Variants in SLC28A3 observed in about 807,000 individuals in gnomAD.
The protein encoded by SLC28A3 is concentrative Na(+)-nucleoside cotransporter 3.
In SLC28A3, 68 loss-of-function variants were observed where a neutral mutation model predicts 84.2. The ratio of observed to expected loss-of-function variants is 0.81; its 90% CI spans 0.66 to 0.99. The LOEUF (loss-of-function observed/expected upper bound fraction) is 0.99, where lower values mean the gene tolerates loss of function less well. Among genes scored for constraint, SLC28A3 ranks in the 50% least tolerant of loss-of-function variants. The pLI is 0.00. For missense variants in SLC28A3, 712 were observed against 841.5 expected (o/e 0.85, Z 1.90); for synonymous variants, 267 against 303.6 (o/e 0.88, Z 1.25).
At chr9:84,348,764 G>T in the SLC28A3 span, among the ~76,000 whole-genome samples, 1 of 152,164 alleles carries the variant, frequency 6.6e-6, no homozygotes, top group Non-Finnish European at 1.5e-5. Context: ...TGATAAAAAG[G>T]ATGAGTTTCT....
chr9:84,316,660 C>A (rs1283318323), intron 1 of SLC28A3, among the ~76,000 whole-genome samples: 1 of 152,166 alleles, frequency 6.6e-6, no homozygotes, highest in Non-Finnish European at 1.5e-5. Flanking sequence ...TTGGTTTTTG[C>A]TTTTATTTTG....
upstream of SLC28A3, among the ~76,000 whole-genome samples, chr9:84,341,793 T>C (rs911200381): frequency 9.9e-5 from 15 of 151,304 alleles, no homozygotes; most frequent in African/African-American, 1.5e-4. Flanking sequence ...ATAGGGATTT[T>C]CCCCCCTAGT....
intron 8 of SLC28A3, 111 bp downstream of exon 8, chr9:84,297,110 G>A: frequency 1.3e-6 from 1 of 744,182 alleles, no homozygotes; most frequent in Non-Finnish European, 2.2e-6. Flanking sequence ...CCTCTGACCA[G>A]CGCAGTAGGT....
At chr9:84,320,051 T>G (rs1000811731) in intron 1 of SLC28A3, among the ~76,000 whole-genome samples, 6 of 130,550 alleles carry the variant, frequency 4.6e-5, no homozygotes, top group African/African-American at 1.3e-4. Context: ...TTTTTTTTTT[T>G]TTTTTTTTTT....
chr9:84,282,297 A>T (rs1157093605), intron 14 of SLC28A3, among the ~76,000 whole-genome samples: 3 of 149,210 alleles, frequency 2.0e-5, no homozygotes, highest in Non-Finnish European at 1.5e-5. Context: ...TTTTTTTTTT[A>T]AAGGTGTGAC....
intron 1 of SLC28A3, among the ~76,000 whole-genome samples, chr9:84,322,691 A>G (rs1354613570): frequency 6.6e-6 from 1 of 152,136 alleles, no homozygotes; most frequent in African/African-American, 2.4e-5. Context: ...TTAAAAATAC[A>G]AAAATTAGCC....
chr9:84,285,308 T>C (rs1824937581), intron 14 of SLC28A3, 37 bp downstream of exon 14: 1 of 1,590,656 alleles, frequency 6.3e-7, no homozygotes, highest in Non-Finnish European at 8.6e-7. Context: ...AGGTATGTGA[T>C]GAAGAAATGT....
At chr9:84,320,550 T>G (rs528961204) in intron 1 of SLC28A3, among the ~76,000 whole-genome samples, 3 of 152,328 alleles carry the variant, frequency 2.0e-5, no homozygotes, top group African/African-American at 7.2e-5. Flanking sequence ...CTGTGCTGTA[T>G]CAGCCTTTTA....
intron 11 of SLC28A3, 65 bp downstream of exon 11, chr9:84,290,089 G>T: frequency 6.4e-7 from 1 of 1,572,274 alleles, no homozygotes; most frequent in South Asian, 1.2e-5. Flanking sequence ...CAATGGAAAA[G>T]AAAAGAAATA....
At chr9:84,296,329 C>T (rs1031466607) in intron 8 of SLC28A3, among the ~76,000 whole-genome samples, 5 of 152,202 alleles carry the variant, frequency 3.3e-5, no homozygotes, top group South Asian at 4.1e-4. Flanking sequence ...AGCAGAGGTT[C>T]TCTTCTCCAG....
At chr9:84,285,177 G>A (rs1442004437) in intron 14 of SLC28A3, among the ~76,000 whole-genome samples, 168 bp downstream of exon 14, 1 of 152,182 alleles carries the variant, frequency 6.6e-6, no homozygotes, top group African/African-American at 2.4e-5. Context: ...TGAAAGTTAG[G>A]AAGTGCTATG....
upstream of SLC28A3, among the ~76,000 whole-genome samples, chr9:84,344,187 T>TA (rs1189783762): frequency 7.7e-6 from 1 of 130,308 alleles, no homozygotes; most frequent in African/African-American, 3.9e-5. Flanking sequence ...TCATATGGGT[T>TA]TTTTTTTTTT....
At chr9:84,364,715 C>T in the SLC28A3 span, among the ~76,000 whole-genome samples, 8 of 152,046 alleles carry the variant, frequency 5.3e-5, no homozygotes, top group African/African-American at 1.9e-4. Flanking sequence ...CTCTCCATGC[C>T]CATGAATTCC....
chr9:84,313,238 C>T, intron 2 of SLC28A3, 121 bp downstream of exon 2: 2 of 733,434 alleles, frequency 2.7e-6, no homozygotes, highest in Non-Finnish European at 4.5e-6. Context: ...CTTTAATTAC[C>T]ACTTAATCTG....
intron 1 of SLC28A3, among the ~76,000 whole-genome samples, chr9:84,334,398 T>C (rs1826897201): frequency 6.6e-6 from 1 of 152,190 alleles, no homozygotes; most frequent in South Asian, 2.1e-4. Context: ...TGGGGATTCA[T>C]AATTAGAAGT....
chr9:84,305,238 C>T lies in SLC28A3; in HGVS notation c.334+16G>A, dbSNP rs1825751463. On this transcript the variant is annotated intron_variant, in intron 4 of 17. Coordinates refer to ENST00000376238, the MANE Select transcript of SLC28A3 (RefSeq NM_001199633.2). The stretch of plus-strand genomic sequence containing the variant: ...AAAAAAAGACAGTGGTATCCCTAAC[C>T]ATCTTTGTTATTTACCTGCTAATAA... 7 of 1,578,632 alleles carry T rather than the reference C, an allele frequency of 4.4e-6. No individual in the cohort carries two copies.
intron 1 of SLC28A3, among the ~76,000 whole-genome samples, chr9:84,318,967 GAA>G (rs1181545527): frequency 2.0e-5 from 3 of 151,922 alleles, no homozygotes; most frequent in Non-Finnish European, 4.4e-5. Flanking sequence ...GAGAAATTAT[GAA>G]AAAAAGAGAG....
At chr9:84,290,377 C>A (rs973040124) in intron 10 of SLC28A3, 98 bp from the exon 11 acceptor site, 1 of 1,477,124 alleles carries the variant, frequency 6.8e-7, no homozygotes. Flanking sequence ...TTAAAGCAGA[C>A]AGTTTCTAAG....
chr9:84,327,052 A>G (rs7019546), intron 1 of SLC28A3, among the ~76,000 whole-genome samples: 123,908 of 152,064 alleles, frequency 0.81, 50,691 homozygotes, highest in African/African-American at 0.89. Context: ...CACCTCAAAA[A>G]AACTCTCTTA....
Sources: allele counts gnomAD v4.1 joint callset (sites outside exome capture counted in the v4.1 genomes callset), GRCh38; gene constraint gnomAD v4.1.1; transcripts MANE v1.5; gene names NCBI Gene and HGNC (gene_info 2026-07-23, HGNC 2026-07-21).